MITF: variants seen among roughly 807,000 people sequenced by gnomAD.
The protein encoded by MITF is microphthalmia-associated transcription factor.
A neutral mutation model predicts 60.5 loss-of-function variants in MITF; 17 were observed. That is an observed-to-expected ratio of 0.28 (90% CI 0.19 to 0.42). The LOEUF is 0.42. Ranked by LOEUF, MITF falls within the 10% of genes least tolerant of loss-of-function variation. MITF has a pLI of 1.00. For synonymous variants in MITF, 260 were observed against 248.5 expected (o/e 1.05, Z -0.43); for missense variants, 622 against 683.5 (o/e 0.91, Z 1.00).
intron 1 of MITF, among the ~76,000 whole-genome samples, chr3:69,779,206 C>T (rs2062524136): frequency 6.6e-6 from 1 of 152,166 alleles, no homozygotes; most frequent in African/African-American, 2.4e-5. Context: ...TGGAAAGAGA[C>T]ATCTCAAGGT....
intron 2 of MITF, 95 bp from the exon 3 acceptor site, chr3:69,937,727 G>T: frequency 2.1e-6 from 2 of 967,862 alleles, no homozygotes; most frequent in South Asian, 2.7e-5. Flanking sequence ...TTCTGTTGGT[G>T]GCCTGGTCAG....
chr3:69,754,979 G>C (rs1165896796), intron 1 of MITF, among the ~76,000 whole-genome samples: 1 of 152,078 alleles, frequency 6.6e-6, no homozygotes, highest in Non-Finnish European at 1.5e-5. Flanking sequence ...GGAGGGAGGA[G>C]GGTAAATAGT....
chr3:69,832,168 G>A (rs939986778), intron 1 of MITF, among the ~76,000 whole-genome samples: 1 of 152,130 alleles, frequency 6.6e-6, no homozygotes, highest in African/African-American at 2.4e-5. Context: ...TGCTGGGCTG[G>A]GCAGTTCTGT....
Position 69,820,565 on chromosome 3 carries a change from G to T in MITF, c.105-58569G>T, listed in dbSNP as rs2063253078. Among the ~76,000 whole-genome samples, 3 of 151,990 alleles carry T rather than the reference G, an allele frequency of 2.0e-5. No homozygotes were observed. In the South Asian group the frequency reaches 6.2e-4, roughly 32 times the overall value. ...TTTTATTTTTAAACTCTAAGTTTCT[G>T]CCAGGACAAAAATGTTCAGTTCTTT... On this transcript the variant is annotated intron_variant, in intron 1 of 9. Coordinates refer to ENST00000352241, the MANE Select transcript of MITF (RefSeq NM_001354604.2).
intron 1 of MITF, among the ~76,000 whole-genome samples, chr3:69,757,254 A>C (rs1219794568): frequency 6.6e-6 from 1 of 152,204 alleles, no homozygotes; most frequent in African/African-American, 2.4e-5. Flanking sequence ...TCATACAAAC[A>C]TATGTAGGAT....
intron 1 of MITF, among the ~76,000 whole-genome samples, chr3:69,878,754 C>T (rs2064411975): frequency 6.6e-6 from 1 of 151,824 alleles, no homozygotes; most frequent in Non-Finnish European, 1.5e-5. Flanking sequence ...TACAAAAAAG[C>T]AAATCAAGCA....
At chr3:69,763,571 G>A in intron 1 of MITF, 1 of 1,172,174 alleles carries the variant, frequency 8.5e-7, no homozygotes, top group Non-Finnish European at 1.1e-6. Flanking sequence ...AGCCTTCCTA[G>A]TGTTGAGAGA....
intron 1 of MITF, among the ~76,000 whole-genome samples, chr3:69,869,230 A>G (rs1337659649): frequency 1.3e-5 from 2 of 152,176 alleles, no homozygotes; most frequent in Non-Finnish European, 2.9e-5. Context: ...ACAATATGTG[A>G]ATAAAACATG....
At chr3:69,930,511 C>A (rs953341591) in intron 2 of MITF, among the ~76,000 whole-genome samples, 1 of 152,158 alleles carries the variant, frequency 6.6e-6, no homozygotes, top group African/African-American at 2.4e-5. Context: ...CTCATCTCAC[C>A]AACTTCAGGT....
At chr3:69,754,619 ATC>A (rs1179360433) in intron 1 of MITF, among the ~76,000 whole-genome samples, 1 of 148,368 alleles carries the variant, frequency 6.7e-6, no homozygotes, top group African/African-American at 2.5e-5. Context: ...AACCAATTAC[ATC>A]TCTCTTTTTT....
chr3:69,916,896 G>T (rs2065346245), intron 2 of MITF, among the ~76,000 whole-genome samples: 2 of 152,272 alleles, frequency 1.3e-5, no homozygotes, highest in African/African-American at 2.4e-5. Flanking sequence ...TGGTGTATTA[G>T]TTAGCCCCTT....
chr3:69,939,125 A>T lies in MITF; in HGVS notation c.610A>T (p.Arg204Trp). 1 of 1,614,130 alleles carries T rather than the reference A, an allele frequency of 6.2e-7. No individual in the cohort carries two copies. The highest frequency in any genetic ancestry group is 8.5e-7 in the Non-Finnish European group (1 of 1,180,008). Residue 204 changes from arginine (R) to tryptophan (W), a missense_variant, in exon 4 of 10, where the codon AGG (arginine) becomes TGG (tryptophan). Arg to Trp is a moderately radical substitution (Grantham distance 101). This residue lies in a region of MITF where 215 missense variants were observed against 224.8 expected (regional missense o/e 0.96). Transcript: ENST00000352241. ...ATTTTATAAGTTTGAAGAGCAAAAC[A>T]GGGCAGAGAGCGAGTGCCCAGGCAT... Reference protein sequence around the residue: ...EGFYKFEEQNRAESECPGMNT... With the variant: ...EGFYKFEEQNWAESECPGMNT...
intron 1 of MITF, among the ~76,000 whole-genome samples, chr3:69,830,183 A>G (rs758070508): frequency 6.6e-6 from 1 of 151,982 alleles, no homozygotes; most frequent in Non-Finnish European, 1.5e-5. Context: ...GTGGTTCATG[A>G]CCCTCAAAGT....
In MITF at chr3:69,857,856, C is replaced by T. The variant is rs183233734; in HGVS notation, c.105-21278C>T. ...ATGGATTTTAATAATTTTGACTCTT[C>T]CTTCTTTTATTCATGATTTTGTTAA... On this transcript the variant is annotated intron_variant, in intron 1 of 9. Coordinates refer to ENST00000352241, the MANE Select transcript of MITF (RefSeq NM_001354604.2). Among the ~76,000 whole-genome samples, 4 of 152,136 alleles carry T rather than the reference C, an allele frequency of 2.6e-5. No individual in the cohort carries two copies. In the East Asian group the frequency reaches 7.7e-4, roughly 29 times the overall value.
At chr3:69,757,997 A>ATGTGTGTGTGTG (rs60250386) in intron 1 of MITF, among the ~76,000 whole-genome samples, 2 of 116,050 alleles carry the variant, frequency 1.7e-5, no homozygotes, top group East Asian at 2.3e-4. Flanking sequence ...ACCCTAGGGC[A>ATGTGTGTGTGTG]TGTGTGTGTG....
At chr3:69,782,345 A>G (rs1175055614) in intron 1 of MITF, among the ~76,000 whole-genome samples, 2 of 152,186 alleles carry the variant, frequency 1.3e-5, no homozygotes, top group African/African-American at 4.8e-5. Flanking sequence ...CCCTATACCC[A>G]TACACCTGAC....
At chr3:69,870,459 G>A (rs2064212386) in intron 1 of MITF, among the ~76,000 whole-genome samples, 2 of 141,740 alleles carry the variant, frequency 1.4e-5, no homozygotes, top group African/African-American at 5.4e-5. Flanking sequence ...TTTTTGAGAC[G>A]GAATCTCGCT....
chr3:69,845,449 T>C lies in MITF; in HGVS notation c.105-33685T>C, dbSNP rs553740809. Among the ~76,000 whole-genome samples the C allele has an allele frequency of 5.3e-5, 8 of 149,876 alleles. No individual in the cohort carries two copies. The East Asian group carries it at 1.5e-3, about 29-fold the overall frequency. On this transcript the variant is annotated intron_variant, in intron 1 of 9. Transcript: ENST00000352241. ...CTTTTTTCTTTTTTCTTTCTTTTTT[T>C]TTTTTTTGCTATTTCCTCACAGAAA...
chr3:69,755,538 G>A (rs1431199729), intron 1 of MITF, among the ~76,000 whole-genome samples: 6 of 129,596 alleles, frequency 4.6e-5, no homozygotes, highest in East Asian at 2.5e-4. Context: ...TTCTTTCCCC[G>A]ACACGAATAT....
Sources: gnomAD v4.1 joint callset for allele counts (sites outside exome capture counted in the v4.1 genomes callset) on GRCh38, gnomAD v4.1.1 for gene constraint, gnomAD v4.1.1 regional missense constraint, MANE v1.5 for transcripts, NCBI Gene and HGNC (gene_info 2026-07-23, HGNC 2026-07-21) for gene names.